TRAPPC9: variants seen among roughly 807,000 people sequenced by gnomAD.
TRAPPC9 encodes IKK2 binding protein.
In TRAPPC9, 83 loss-of-function variants were observed where a neutral mutation model predicts 124.0. The observed-to-expected ratio is 0.67, with a 90% CI of 0.56 to 0.80. The LOEUF (loss-of-function observed/expected upper bound fraction) is 0.80, where lower values mean the gene tolerates loss of function less well. Among genes scored for constraint, TRAPPC9 ranks in the 30% least tolerant of loss-of-function variants. The pLI, the probability that TRAPPC9 is intolerant of heterozygous loss-of-function variation, is 0.00. For missense variants in TRAPPC9, 1,302 were observed against 1,508.3 expected (o/e 0.86, Z 2.27); for synonymous variants, 638 against 617.5 (o/e 1.03, Z -0.49).
At chr8:140,007,433 A>G (rs1378541638) in intron 18 of TRAPPC9, among the ~76,000 whole-genome samples, 1 of 152,252 alleles carries the variant, frequency 6.6e-6, no homozygotes, top group Admixed American at 6.5e-5. Flanking sequence ...GGGAATTAAG[A>G]CAATCCAAAT....
intron 5 of TRAPPC9, among the ~76,000 whole-genome samples, chr8:140,416,481 G>A (rs1258461165): frequency 1.3e-5 from 2 of 152,092 alleles, no homozygotes; most frequent in Non-Finnish European, 2.9e-5. Context: ...GCTTCAAAGA[G>A]AATAAAATAC....
At chr8:140,454,659 A>AC (rs1411317189) in intron 1 of TRAPPC9, among the ~76,000 whole-genome samples, 16 of 143,866 alleles carry the variant, frequency 1.1e-4, no homozygotes, top group Admixed American at 2.1e-4. Context: ...AAAAAAAAAA[A>AC]ACACAACCTG....
At chr8:140,426,238 C>T (rs2070417677) in intron 5 of TRAPPC9, among the ~76,000 whole-genome samples, 1 of 152,112 alleles carries the variant, frequency 6.6e-6, no homozygotes, top group African/African-American at 2.4e-5. Context: ...AGACGAAATG[C>T]AGTAGAGAAT....
chr8:140,404,905 C>CGTGTGTGTGT (rs2069431944), intron 6 of TRAPPC9, among the ~76,000 whole-genome samples: 1 of 58,706 alleles, frequency 1.7e-5, no homozygotes, highest in African/African-American at 4.1e-5. Flanking sequence ...TGTGTGTGAG[C>CGTGTGTGTGT]ATGCGTGTGT....
chr8:139,852,039 A>G (rs1423008185), intron 21 of TRAPPC9, among the ~76,000 whole-genome samples: 1 of 152,112 alleles, frequency 6.6e-6, no homozygotes, highest in African/African-American at 2.4e-5. Flanking sequence ...GTGGGAGGTA[A>G]TTGAATCATG....
intron 16 of TRAPPC9, among the ~76,000 whole-genome samples, chr8:140,247,244 G>A (rs1237183892): frequency 2.0e-5 from 3 of 152,266 alleles, no homozygotes; most frequent in Middle Eastern, 3.4e-3. Flanking sequence ...CCAGTCTTGC[G>A]TGTTGACAAC....
intron 21 of TRAPPC9, among the ~76,000 whole-genome samples, chr8:139,741,987 GAGA>G (rs1442393170): frequency 5.9e-5 from 9 of 152,226 alleles, no homozygotes; most frequent in African/African-American, 1.9e-4. Flanking sequence ...CACATTTATG[GAGA>G]AGATTTTGTG....
intron 18 of TRAPPC9, among the ~76,000 whole-genome samples, chr8:139,995,142 G>C (rs995666169): frequency 1.3e-5 from 2 of 152,214 alleles, no homozygotes; most frequent in East Asian, 3.9e-4. Context: ...GTAGGAGCCA[G>C]AAACTGAAGT....
At chr8:139,817,363 T>C (rs1824913513) in intron 21 of TRAPPC9, among the ~76,000 whole-genome samples, 1 of 152,188 alleles carries the variant, frequency 6.6e-6, no homozygotes, top group Admixed American at 6.5e-5. Flanking sequence ...GAATGCTACT[T>C]ATGGCAGTTA....
intron 17 of TRAPPC9, among the ~76,000 whole-genome samples, chr8:140,107,899 C>T (rs1563766953): frequency 6.6e-6 from 1 of 151,556 alleles, no homozygotes; most frequent in South Asian, 2.1e-4. Context: ...TTCCATCTTG[C>T]CCACAATTTA....
chr8:140,223,027 TA>T (rs2131330972), intron 16 of TRAPPC9, among the ~76,000 whole-genome samples: 1 of 152,362 alleles, frequency 6.6e-6, no homozygotes, highest in Non-Finnish European at 1.5e-5. Context: ...TCTTTCTTTT[TA>T]AGTTCCAGAG....
chr8:139,923,667 C>T (rs754332771), intron 19 of TRAPPC9, among the ~76,000 whole-genome samples: 1 of 152,196 alleles, frequency 6.6e-6, no homozygotes, highest in Non-Finnish European at 1.5e-5. Context: ...CTCAGAAGAG[C>T]GGAGACAGAA....
At chr8:139,980,689 G>A (rs189854057) in intron 19 of TRAPPC9, among the ~76,000 whole-genome samples, 1 of 152,358 alleles carries the variant, frequency 6.6e-6, no homozygotes, top group Admixed American at 6.5e-5. Context: ...CCCTGCCCAG[G>A]CACGCGAAGC....
At chr8:140,329,826 A>G (rs1209676702) in intron 9 of TRAPPC9, among the ~76,000 whole-genome samples, 1 of 152,138 alleles carries the variant, frequency 6.6e-6, no homozygotes, top group African/African-American at 2.4e-5. Context: ...CACACCTGTA[A>G]TCATACTTTG....
intron 19 of TRAPPC9, among the ~76,000 whole-genome samples, chr8:139,940,161 G>A (rs954664050): frequency 1.3e-5 from 2 of 152,082 alleles, no homozygotes; most frequent in African/African-American, 4.8e-5. Flanking sequence ...GATCCGCCAC[G>A]GCCTCCACCC....
chr8:140,355,687 C>G (rs901153958), intron 9 of TRAPPC9, among the ~76,000 whole-genome samples: 15 of 152,262 alleles, frequency 9.9e-5, no homozygotes, highest in Admixed American at 9.8e-4. Context: ...AATGGCCAGT[C>G]GTGACCATGT....
At chr8:139,850,691 C>T (rs1827384817) in intron 21 of TRAPPC9, among the ~76,000 whole-genome samples, 1 of 152,222 alleles carries the variant, frequency 6.6e-6, no homozygotes, top group Non-Finnish European at 1.5e-5. Flanking sequence ...ATATGGCCAT[C>T]TACCCACTCA....
At chr8:140,016,012 C>T (rs1839440888) in intron 18 of TRAPPC9, among the ~76,000 whole-genome samples, 1 of 152,164 alleles carries the variant, frequency 6.6e-6, no homozygotes, top group African/African-American at 2.4e-5. Flanking sequence ...ACCAGAAACC[C>T]AACATTAACA....
intron 21 of TRAPPC9, among the ~76,000 whole-genome samples, chr8:139,826,322 G>A (rs1023180738): frequency 1.3e-5 from 2 of 152,172 alleles, no homozygotes; most frequent in African/African-American, 4.8e-5. Flanking sequence ...GAGGAGGGAC[G>A]GAACAGGAGA....
Sources: gnomAD v4.1 joint callset for allele counts (sites outside exome capture counted in the v4.1 genomes callset) on GRCh38, gnomAD v4.1.1 for gene constraint, MANE v1.5 for transcripts, NCBI Gene and HGNC (gene_info 2026-07-23, HGNC 2026-07-21) for gene names.